Variants in ZNF326 observed in about 807,000 individuals in gnomAD.
ZNF326 encodes the protein zinc finger protein 326.
ZNF326 carries 30 observed loss-of-function variants against 63.1 expected under a neutral mutation model. That is an observed-to-expected ratio of 0.48 (90% CI 0.36 to 0.64). The LOEUF (loss-of-function observed/expected upper bound fraction) is 0.64. Ranked by LOEUF, ZNF326 falls within the 30% of genes least tolerant of loss-of-function variation. The pLI is 0.00. For missense variants in ZNF326, 609 were observed against 720.3 expected, an observed-to-expected ratio of 0.85 and a Z score of 1.77; for synonymous variants, 194 against 228.2, an observed-to-expected ratio of 0.85 and a Z score of 1.35.
At position 89,995,229 on chromosome 1, in the gene ZNF326, G is replaced by T; in HGVS notation, c.-29G>T. The T allele has an allele frequency of 6.5e-7, 1 of 1,543,678 alleles. No individual in the cohort carries two copies. Among genetic ancestry groups the T allele is most frequent in the South Asian group, 1.2e-5 (1 of 83,516 alleles). ...GCCGGCCATAGCTCAGCCTAGCGCCGCCAAGGCCGACGGCCCTCAGCCTCT... is the reference window on the plus strand; with the variant it reads ...GCCGGCCATAGCTCAGCCTAGCGCCTCCAAGGCCGACGGCCCTCAGCCTCT... On this transcript the variant is annotated 5_prime_UTR_variant, in exon 1 of 12. Coordinates refer to ENST00000340281, the MANE Select transcript of ZNF326 (RefSeq NM_182976.4).
At chr1:90,016,716 C>T (rs1470736529) in intron 7 of ZNF326, among the ~76,000 whole-genome samples, 2 of 104,760 alleles carry the variant, frequency 1.9e-5, no homozygotes, top group Non-Finnish European at 2.0e-5. Flanking sequence ...GGCTCCATCT[C>T]AAAAAAAAAA....
Position 90,033,361 on chromosome 1 carries a change from T to G in ZNF326, c.*5660T>G, listed in dbSNP as rs1650352669. On this transcript the variant is annotated 3_prime_UTR_variant, in exon 12 of 12. Transcript: ENST00000340281. ...GCAACATGAAAAATACACAGCAAAC[T>G]TAACAAGCAGAAAGAATTCCTGGGG... 1 of 151,772 alleles carries G rather than the reference T, an allele frequency of 6.6e-6. No individual in the cohort carries two copies. The highest frequency in any genetic ancestry group is 1.5e-5 in the Non-Finnish European group (1 of 67,984). The allele number at this position is 151,772 out of a possible 1,614,324, so 9.4% of individuals were successfully genotyped here. A position where few individuals can be genotyped will look rare whatever the true frequency, so the allele number is the denominator to read the frequency against.
At position 90,007,892 on chromosome 1, in the gene ZNF326, G is replaced by A; in HGVS notation, c.615+142G>A. 1.2e-6 allele frequency: 1 copy of A among 843,660 alleles called. No homozygotes were observed. The highest frequency in any genetic ancestry group is 1.6e-6 in the Non-Finnish European group (1 of 622,778). 52.3% of individuals were successfully genotyped at this position (843,660 alleles called of 1,614,324 possible). ...AGCTGAGTCATAAACATAATTTTTA[G>A]GTTGACTGTAAAAGTTTTTCTAGCA... is the stretch of plus-strand genomic sequence containing the variant. On this transcript the variant is annotated intron_variant, in intron 5 of 11. Coordinates refer to ENST00000340281, the MANE Select transcript of ZNF326 (RefSeq NM_182976.4). The surrounding 1 kb of genome is among the most constrained non-coding windows in gnomAD (Gnocchi z 4.9).
chr1:89,998,093 T>C lies in ZNF326; in HGVS notation c.17-17T>C. 6.2e-7 allele frequency: 1 copy of C among 1,609,284 alleles called. No homozygotes were observed. Among genetic ancestry groups the C allele is most frequent in the Non-Finnish European group, 8.5e-7 (1 of 1,178,156 alleles). On this transcript the variant is annotated splice_polypyrimidine_tract_variant and intron_variant, in intron 1 of 11. Coordinates refer to ENST00000340281, the MANE Select transcript of ZNF326 (RefSeq NM_182976.4). ...TAATATCACACTAATTCCTTTTTGT[T>C]AAATGTGTCTTCATAGATTACACAC...
intron 7 of ZNF326, among the ~76,000 whole-genome samples, chr1:90,016,438 G>C (rs767282698): frequency 1.2e-4 from 19 of 152,054 alleles, no homozygotes; most frequent in Admixed American, 3.3e-4. Context: ...CAGTTATTCT[G>C]GTCACGGTGG....
At position 90,030,818 on chromosome 1, in the gene ZNF326, A is replaced by G. The variant is rs987265995; in HGVS notation, c.*3117A>G. 2.6e-5 allele frequency: 4 copies of G among 152,358 alleles called. No individual in the cohort carries two copies. Among genetic ancestry groups the G allele is most frequent in the Admixed American group, 1.3e-4 (2 of 15,282 alleles). 9.4% of individuals were successfully genotyped at this position (152,358 alleles called of 1,614,324 possible). ...GTAGCTGGGACCACAGACGTGCACC[A>G]TCACACTCAGCTAATATTTTTTTTG... On this transcript the variant is annotated 3_prime_UTR_variant, in exon 12 of 12. Coordinates refer to ENST00000340281, the MANE Select transcript of ZNF326 (RefSeq NM_182976.4).
At position 90,029,611 on chromosome 1, in the gene ZNF326, G is replaced by A. The variant is rs1470051396; in HGVS notation, c.*1910G>A. ...TTTGGTTCTTCTGATACTAAGCTGA[G>A]TGATTTTTTTTAAAACAATGTCTCT... On this transcript the variant is annotated 3_prime_UTR_variant, in exon 12 of 12. Coordinates refer to ENST00000340281, the MANE Select transcript of ZNF326 (RefSeq NM_182976.4). 6.6e-6 allele frequency: 1 copy of A among 152,108 alleles called. No individual in the cohort carries two copies. Among genetic ancestry groups the A allele is most frequent in the East Asian group, 1.9e-4 (1 of 5,202 alleles). 9.4% of individuals were successfully genotyped at this position (152,108 alleles called of 1,614,324 possible). A position where few individuals can be genotyped will look rare whatever the true frequency, so the allele number is the denominator to read the frequency against.
chr1:90,015,962 G>A (rs1649482993), intron 7 of ZNF326, among the ~76,000 whole-genome samples: 1 of 152,132 alleles, frequency 6.6e-6, no homozygotes, highest in Non-Finnish European at 1.5e-5. Context: ...GTATTGGTGA[G>A]TAAAGCCAAA....
At chr1:89,996,148 G>A (rs1477657821) in intron 1 of ZNF326, among the ~76,000 whole-genome samples, 1 of 152,110 alleles carries the variant, frequency 6.6e-6, no homozygotes, top group Non-Finnish European at 1.5e-5. Context: ...CTTCACTTTT[G>A]TTTTCAAACC....
At chr1:90,005,427 C>G in intron 4 of ZNF326, 183 bp downstream of exon 4, 1 of 1,313,894 alleles carries the variant, frequency 7.6e-7, no homozygotes, top group Non-Finnish European at 9.7e-7. Context: ...TACTGGCAGA[C>G]GTTATTTTAG....
At position 90,013,186 on chromosome 1, in the gene ZNF326, A is replaced by G; in HGVS notation, c.875A>G (p.Lys292Arg). The change falls in exon 7 of 12, where the codon AAA (lysine) becomes AGA (arginine). Residue 292 changes from lysine (K) to arginine (R), a missense_variant. Transcript: ENST00000340281. ...CGGCGAATTGAGGCTCGGCGAGAGA[A>G]ACAAAGGCGCAGAAGAGAAAAAAAC... ...EKRRIEARRE[K>R]QRRRREKNSE... 6.2e-7 allele frequency: 1 copy of G among 1,612,642 alleles called. No homozygotes were observed. The highest frequency in any genetic ancestry group is 8.5e-7 in the Non-Finnish European group (1 of 1,179,244).
intron 7 of ZNF326, among the ~76,000 whole-genome samples, chr1:90,015,964 A>T (rs1483912841): frequency 6.6e-6 from 1 of 152,198 alleles, no homozygotes; most frequent in African/African-American, 2.4e-5. Flanking sequence ...ATTGGTGAGT[A>T]AAGCCAAAAA....
At chr1:90,001,548 G>T (rs1648678631) in intron 2 of ZNF326, among the ~76,000 whole-genome samples, 1 of 106,886 alleles carries the variant, frequency 9.4e-6, no homozygotes, top group Non-Finnish European at 1.9e-5. Context: ...TCATAGGTCA[G>T]TTTTTAATTT....
chr1:90,017,480 T>G lies in ZNF326; in HGVS notation c.1074+16T>G, dbSNP rs769436495. On this transcript the variant is annotated intron_variant, in intron 8 of 11. Transcript: ENST00000340281. ...GTTTTTGCATGTGAGTAGCTGTTTT[T>G]GAAGTGAGAAGCATTTTATTGATAT... 6.4e-7 allele frequency: 1 copy of G among 1,563,058 alleles called. No homozygotes were observed. Among genetic ancestry groups the G allele is most frequent in the South Asian group, 1.3e-5 (1 of 79,910 alleles).
chr1:90,013,321 GTTC>G, intron 7 of ZNF326, 84 bp downstream of exon 7: 1 of 1,051,790 alleles, frequency 9.5e-7, no homozygotes, highest in Non-Finnish European at 1.3e-6. Context: ...ATATTAAAAA[GTTC>G]TTAAGATTCA....
chr1:89,995,885 T>G (rs1466313488), intron 1 of ZNF326, among the ~76,000 whole-genome samples: 1 of 152,248 alleles, frequency 6.6e-6, no homozygotes, highest in Non-Finnish European at 1.5e-5. Flanking sequence ...ATTACCTGCT[T>G]ATTAATCCCT....
rs775715302 is a variant in ZNF326, at chr1:90,020,842, G to T, written c.1225G>T (p.Ala409Ser). The change falls in exon 10 of 12, where the codon GCT becomes TCT. Residue 409 changes from alanine (A) to serine (S), a missense_variant. Ala to Ser is a moderately conservative substitution (Grantham distance 99). This residue lies in a region of ZNF326 where 399 missense variants were observed against 444.3 expected (regional missense o/e 0.90). Coordinates refer to ENST00000340281, the MANE Select transcript of ZNF326 (RefSeq NM_182976.4). ...GAAGGTAGAGACAGTTCATTGCAGC[G>T]CTTGCAGTGTTTATATCCCTGCTTT... ...MMKVETVHCS[A>S]CSVYIPALHS... 6.2e-7 allele frequency: 1 copy of T among 1,612,768 alleles called. No individual in the cohort carries two copies. Among genetic ancestry groups the T allele is most frequent in the Non-Finnish European group, 8.5e-7 (1 of 1,179,168 alleles).
At chr1:90,017,072 CT>C (rs552874729) in intron 7 of ZNF326, among the ~76,000 whole-genome samples, 20 of 152,314 alleles carry the variant, frequency 1.3e-4, no homozygotes, top group African/African-American at 4.3e-4. Context: ...TATAGATCCC[CT>C]GATTCAATTT....
At chr1:90,027,238 A>G (rs1467443293) in intron 11 of ZNF326, 116 bp from the exon 12 acceptor site, 3 of 924,736 alleles carry the variant, frequency 3.2e-6, no homozygotes, top group Non-Finnish European at 5.0e-6. Context: ...TATAATTTAC[A>G]ATGAAAAGTT....
Sources: gnomAD v4.1 joint callset for allele counts (sites outside exome capture counted in the v4.1 genomes callset) on GRCh38, gnomAD v4.1.1 for gene constraint, gnomAD v4.1.1 regional missense constraint, Gnocchi (gnomAD v3.1) non-coding constraint, MANE v1.5 for transcripts, NCBI Gene and HGNC (gene_info 2026-07-23, HGNC 2026-07-21) for gene names.